Variants in MICAL2 observed in about 807,000 individuals in gnomAD.
The protein encoded by MICAL2 is [F-actin]-monooxygenase MICAL2.
A neutral mutation model predicts 127.3 loss-of-function variants in MICAL2; 77 were observed. That is an observed-to-expected ratio of 0.60 (90% CI 0.50 to 0.73). The LOEUF (loss-of-function observed/expected upper bound fraction) is 0.73. Ranked by LOEUF, MICAL2 falls within the 30% of genes least tolerant of loss-of-function variation. The pLI is 0.00. For missense variants in MICAL2, 1,351 were observed against 1,434.4 expected (o/e 0.94, Z 0.94); for synonymous variants, 570 against 551.1 (o/e 1.03, Z -0.48).
intron 3 of MICAL2, among the ~76,000 whole-genome samples, chr11:12,198,990 C>T (rs1349221917): frequency 6.6e-6 from 1 of 152,172 alleles, no homozygotes; most frequent in Non-Finnish European, 1.5e-5. Flanking sequence ...GCCAAGTCCT[C>T]TCACTTCATC....
At chr11:12,313,747 C>A (rs576909964) in intron 29 of MICAL2, among the ~76,000 whole-genome samples, 1 of 151,968 alleles carries the variant, frequency 6.6e-6, no homozygotes, top group African/African-American at 2.4e-5. Context: ...CTGTCACTTG[C>A]TAAGAGAGCT....
intron 2 of MICAL2, among the ~76,000 whole-genome samples, chr11:12,151,532 C>T (rs1367762980): frequency 6.6e-6 from 1 of 152,200 alleles, no homozygotes; most frequent in Non-Finnish European, 1.5e-5. Context: ...ACTTCGCATA[C>T]TGCATATTTA....
chr11:12,211,951 C>T (rs967281891), intron 6 of MICAL2, among the ~76,000 whole-genome samples: 1 of 152,242 alleles, frequency 6.6e-6, no homozygotes, highest in African/African-American at 2.4e-5. Context: ...TTAACACCCT[C>T]CTCTTAACCT....
At chr11:12,168,332 A>T (rs1245235678) in intron 3 of MICAL2, among the ~76,000 whole-genome samples, 1 of 128,444 alleles carries the variant, frequency 7.8e-6, no homozygotes. Context: ...TCACACATAC[A>T]TATATACAAA....
intron 33 of MICAL2, among the ~76,000 whole-genome samples, chr11:12,352,602 GT>G (rs1939069184): frequency 6.6e-6 from 1 of 152,248 alleles, no homozygotes; most frequent in African/African-American, 2.4e-5. Flanking sequence ...ATGGGTTTTA[GT>G]TTGGAGAAAG....
At chr11:12,307,512 A>T (rs954075984) in intron 29 of MICAL2, among the ~76,000 whole-genome samples, 16 of 152,190 alleles carry the variant, frequency 1.1e-4, no homozygotes, top group African/African-American at 3.9e-4. Context: ...GTCACTAAGA[A>T]TTCCTCATAT....
intron 2 of MICAL2, among the ~76,000 whole-genome samples, chr11:12,156,486 G>A (rs1466474525): frequency 6.6e-6 from 1 of 152,206 alleles, no homozygotes; most frequent in Non-Finnish European, 1.5e-5. Flanking sequence ...CCAGGAGGCA[G>A]TACACGCTCC....
Position 12,242,878 on chromosome 11 carries a change from G to A in MICAL2, c.2658+106G>A, listed in dbSNP as rs1860177587. On this transcript the variant is annotated intron_variant, in intron 20 of 27. Transcript: ENST00000683283. ...AATTTTCTCCTCCTTCCTCCTTTTAGAGCATGAAGAGCTCTTTATTTTTCA... is the reference window on the plus strand; with the variant it reads ...AATTTTCTCCTCCTTCCTCCTTTTAAAGCATGAAGAGCTCTTTATTTTTCA... The A allele has an allele frequency of 5.7e-6, 4 of 705,116 alleles. No homozygotes were observed. The East Asian group carries it at 1.2e-4, about 22-fold the overall frequency. The allele number at this position is 705,116 out of a possible 1,614,324, so 43.7% of individuals were successfully genotyped here.
chr11:12,319,565 G>A (rs1590735886), intron 29 of MICAL2: 10 of 656,770 alleles, frequency 1.5e-5, no homozygotes, highest in Middle Eastern at 2.5e-4. Context: ...TCATGCTCAC[G>A]GCAGGTGCAG....
intron 33 of MICAL2, among the ~76,000 whole-genome samples, chr11:12,353,587 A>G (rs1037699691): frequency 6.6e-6 from 1 of 152,094 alleles, no homozygotes. Context: ...GAGCCTCCAC[A>G]TTACCACATG....
intron 1 of MICAL2, among the ~76,000 whole-genome samples, chr11:12,123,217 T>A (rs1024836581): frequency 6.6e-5 from 10 of 152,232 alleles, no homozygotes; most frequent in Non-Finnish European, 1.0e-4. Flanking sequence ...ATACTTTTTT[T>A]ATTTTATATC....
At chr11:12,343,886 T>C (rs1164450987) in intron 32 of MICAL2, among the ~76,000 whole-genome samples, 1 of 152,172 alleles carries the variant, frequency 6.6e-6, no homozygotes, top group African/African-American at 2.4e-5. Flanking sequence ...TGAATCTAGA[T>C]ACGTGGAAAA....
chr11:12,180,028 C>A (rs2133939235), intron 3 of MICAL2, among the ~76,000 whole-genome samples: 1 of 152,328 alleles, frequency 6.6e-6, no homozygotes, highest in Middle Eastern at 3.4e-3. Context: ...CTCTGTACTC[C>A]TTGCTCCCAT....
At chr11:12,196,364 C>T (rs34284760) in intron 3 of MICAL2, among the ~76,000 whole-genome samples, 16,093 of 152,098 alleles carry the variant, frequency 0.11, 944 homozygotes, top group Admixed American at 0.16. Context: ...CGTATTGAAG[C>T]AGATAGAAAT....
intron 29 of MICAL2, chr11:12,303,676 G>A (rs1864075269): frequency 6.6e-6 from 1 of 152,188 alleles, no homozygotes; most frequent in South Asian, 2.1e-4. Flanking sequence ...ATATTCTTCT[G>A]TCAGAAGTCT....
chr11:12,326,644 A>C (rs1864355794), intron 31 of MICAL2, among the ~76,000 whole-genome samples: 1 of 152,236 alleles, frequency 6.6e-6, no homozygotes, highest in East Asian at 1.9e-4. Flanking sequence ...TTTGTAGCTA[A>C]GGACAGGAGC....
At chr11:12,178,228 T>C (rs1158572917) in intron 3 of MICAL2, among the ~76,000 whole-genome samples, 3 of 152,138 alleles carry the variant, frequency 2.0e-5, no homozygotes, top group Non-Finnish European at 2.9e-5. Flanking sequence ...AAGGGAGGTG[T>C]GCTCAGAGAA....
At chr11:12,201,075 G>A (rs1860659322) in intron 3 of MICAL2, among the ~76,000 whole-genome samples, 1 of 152,010 alleles carries the variant, frequency 6.6e-6, no homozygotes, top group South Asian at 2.1e-4. Context: ...CTATGTCCAA[G>A]CCAAGGAGCT....
chr11:12,183,171 T>TC (rs1331690927), intron 3 of MICAL2, among the ~76,000 whole-genome samples: 2 of 151,860 alleles, frequency 1.3e-5, no homozygotes, highest in Admixed American at 1.3e-4. Context: ...GACTCCTTTT[T>TC]TTTTTTCTTT....
Sources: allele counts gnomAD v4.1 joint callset (sites outside exome capture counted in the v4.1 genomes callset), GRCh38; gene constraint gnomAD v4.1.1; transcripts MANE v1.5; gene names NCBI Gene and HGNC (gene_info 2026-07-23, HGNC 2026-07-21).